The following RPSA2 variants were observed in gnomAD, a reference collection of about 807,000 sequenced individuals.
RPSA2 encodes small ribosomal subunit protein uS2B.
At chr19:23,776,906 C>T in the RPSA2 span, among the ~76,000 whole-genome samples, 3 of 152,160 alleles carry the variant, frequency 2.0e-5, no homozygotes, top group Non-Finnish European at 4.4e-5. Context: ...CCCTCTCCTA[C>T]CCTGTGTTTG....
the RPSA2 span, among the ~76,000 whole-genome samples, chr19:23,838,994 G>C: frequency 6.6e-6 from 1 of 151,656 alleles, no homozygotes; most frequent in Non-Finnish European, 1.5e-5. Context: ...TTTTCTGCTG[G>C]GTTTGGGTTT....
At chr19:23,804,609 C>G in the RPSA2 span, among the ~76,000 whole-genome samples, 2 of 152,096 alleles carry the variant, frequency 1.3e-5, no homozygotes, top group African/African-American at 4.8e-5. Flanking sequence ...CCTCATTTTT[C>G]TAAACAGTGC....
the RPSA2 span, among the ~76,000 whole-genome samples, chr19:23,824,617 T>C: frequency 1.0e-5 from 1 of 97,036 alleles, no homozygotes; most frequent in East Asian, 3.5e-4. Flanking sequence ...CTCAGAATGC[T>C]CTTAAACTCT....
At chr19:23,776,482 G>T in the RPSA2 span, among the ~76,000 whole-genome samples, 1,181 of 14,514 alleles carry the variant, frequency 0.081, 14 homozygotes, top group African/African-American at 0.12. Context: ...TTGCTCACAT[G>T]GGTCATTGTG....
the RPSA2 span, among the ~76,000 whole-genome samples, chr19:23,866,662 G>A: frequency 1 from 152,173 of 152,186 alleles, 76,080 homozygotes; most frequent in Middle Eastern, 1. Context: ...GGCCCCTCAA[G>A]CCATGAGGGC....
the RPSA2 span, among the ~76,000 whole-genome samples, chr19:23,811,139 C>A: frequency 1.3e-5 from 2 of 151,930 alleles, no homozygotes; most frequent in Non-Finnish European, 2.9e-5. Context: ...CTGCCTCAGC[C>A]TCCCGAGTAG....
At chr19:23,866,521 C>A in the RPSA2 span, among the ~76,000 whole-genome samples, 1 of 148,490 alleles carries the variant, frequency 6.7e-6, no homozygotes, top group African/African-American at 2.4e-5. Context: ...GTGCCCCCCC[C>A]CGCCCAGTGG....
At chr19:23,796,044 C>T in the RPSA2 span, among the ~76,000 whole-genome samples, 4 of 152,194 alleles carry the variant, frequency 2.6e-5, no homozygotes, top group Non-Finnish European at 5.9e-5. Flanking sequence ...GAATTACAGG[C>T]ATGAGCCACT....
the RPSA2 span, among the ~76,000 whole-genome samples, chr19:23,808,474 G>A: frequency 6.6e-6 from 1 of 151,730 alleles, no homozygotes; most frequent in Non-Finnish European, 1.5e-5. Flanking sequence ...ACCATCTTGG[G>A]CAGGCTGGTC....
the RPSA2 span, among the ~76,000 whole-genome samples, chr19:23,806,047 C>CT: frequency 0.34 from 42,547 of 125,676 alleles, 8,736 homozygotes; most frequent in Non-Finnish European, 0.39. Flanking sequence ...TTCTTTCTTT[C>CT]TTTTTTTTTT....
chr19:23,851,485 T>C, the RPSA2 span, among the ~76,000 whole-genome samples: 3 of 152,194 alleles, frequency 2.0e-5, no homozygotes, highest in Non-Finnish European at 2.9e-5. Context: ...GGTGTCTACA[T>C]TGGTGAACCA....
chr19:23,776,667 A>G, the RPSA2 span, among the ~76,000 whole-genome samples: 1 of 151,916 alleles, frequency 6.6e-6, no homozygotes, highest in South Asian at 2.1e-4. Flanking sequence ...TAGGCCCCAT[A>G]CCTAGCTGGT....
the RPSA2 span, among the ~76,000 whole-genome samples, chr19:23,824,581 T>TTTCTTTC: frequency 4.4e-5 from 2 of 45,394 alleles, 1 homozygote; most frequent in Non-Finnish European, 8.7e-5. Flanking sequence ...ATAGCATTTC[T>TTTCTTTC]TTTTTTTTTT....
the RPSA2 span, among the ~76,000 whole-genome samples, chr19:23,853,318 T>G: frequency 6.6e-6 from 1 of 152,250 alleles, no homozygotes; most frequent in Non-Finnish European, 1.5e-5. Context: ...ATTACAACAT[T>G]AATGGCCCTT....
At chr19:23,843,445 C>T in the RPSA2 span, among the ~76,000 whole-genome samples, 395 of 152,212 alleles carry the variant, frequency 2.6e-3, 3 homozygotes, top group Middle Eastern at 0.037. Flanking sequence ...TGTCCCATAC[C>T]ATTAAATTCT....
chr19:23,809,638 C>G, the RPSA2 span: 1 of 151,398 alleles, frequency 6.6e-6, no homozygotes, highest in African/African-American at 2.4e-5. Flanking sequence ...TTTTTTCTCT[C>G]TTTTATCAGA....
At chr19:23,850,099 C>T in the RPSA2 span, among the ~76,000 whole-genome samples, 57 of 151,840 alleles carry the variant, frequency 3.8e-4, no homozygotes, top group East Asian at 4.8e-3. Flanking sequence ...AATGCAGTGC[C>T]GCCTTCTCCT....
chr19:23,845,554 C>G, the RPSA2 span, among the ~76,000 whole-genome samples: 2 of 152,192 alleles, frequency 1.3e-5, no homozygotes. Context: ...TGCAGTGGAA[C>G]AATCTTGGCT....
the RPSA2 span, chr19:23,758,682 G>C: frequency 2.5e-6 from 4 of 1,613,324 alleles, no homozygotes; most frequent in Admixed American, 1.7e-5. Context: ...AGCTGACTGC[G>C]GCGAGGTCTG....
Sources: gnomAD v4.1 joint callset for allele counts (sites outside exome capture counted in the v4.1 genomes callset) on GRCh38, gnomAD v4.1.1 for gene constraint, MANE v1.5 for transcripts, NCBI Gene and HGNC (gene_info 2026-07-23, HGNC 2026-07-21) for gene names.